Variants in BST1 observed in about 807,000 individuals in gnomAD.
BST1 encodes bone marrow stromal cell antigen 1.
Under a neutral mutation model 40.6 loss-of-function variants are expected in BST1, and 49 were observed. That is an observed-to-expected ratio of 1.21 (90% CI 0.96 to 1.53). The LOEUF (loss-of-function observed/expected upper bound fraction) is 1.53. BST1 is among the 40% of genes most tolerant of loss of function. The pLI is 0.00. For synonymous variants in BST1, 157 were observed against 159.3 expected, an observed-to-expected ratio of 0.99 and a Z score of 0.11; for missense variants, 423 against 395.9, an observed-to-expected ratio of 1.07 and a Z score of -0.58.
the BST1 span, among the ~76,000 whole-genome samples, chr4:15,768,336 A>T: frequency 6.6e-6 from 1 of 152,226 alleles, no homozygotes; most frequent in East Asian, 1.9e-4. Flanking sequence ...TGTTTAGAGC[A>T]TCAGTCGAAA....
chr4:15,743,826 T>C, the BST1 span, among the ~76,000 whole-genome samples: 1 of 152,170 alleles, frequency 6.6e-6, no homozygotes, highest in Admixed American at 6.5e-5. Flanking sequence ...AAAGGGAAGA[T>C]GGGAGCCAGG....
At chr4:15,703,504 A>T (rs1173789398) in intron 1 of BST1, among the ~76,000 whole-genome samples, 172 bp downstream of exon 1, 1 of 135,518 alleles carries the variant, frequency 7.4e-6, no homozygotes, top group Non-Finnish European at 1.6e-5. Context: ...GCGAGTGAGG[A>T]GGGGGCTGTG....
Position 15,731,923 on chromosome 4 carries a change from C to T in BST1, c.*78C>T. 1 of 1,483,258 alleles carries T rather than the reference C, an allele frequency of 6.7e-7. No homozygotes were observed. The allele number at this position is 1,483,258 out of a possible 1,614,324, so 91.9% of individuals were successfully genotyped here. On this transcript the variant is annotated 3_prime_UTR_variant, in exon 9 of 9. Transcript: ENST00000265016. ...GTCATCATTCGTGTTCTGTGTATAC[C>T]AAATGATTCTGTTATCTAAAGAAGC...
chr4:15,766,437 T>G, the BST1 span, among the ~76,000 whole-genome samples: 1 of 151,906 alleles, frequency 6.6e-6, no homozygotes, highest in African/African-American at 2.4e-5. Context: ...CTGTCTTTAC[T>G]CTGATGAAAT....
At chr4:15,753,463 C>G in the BST1 span, among the ~76,000 whole-genome samples, 3 of 152,228 alleles carry the variant, frequency 2.0e-5, no homozygotes, top group Admixed American at 6.5e-5. Flanking sequence ...GAATGGCTCA[C>G]GATCGCGCCA....
Position 15,705,527 on chromosome 4 carries a change from C to A in BST1, c.201C>A (p.Cys67Ter). 1 of 1,590,210 alleles carries A rather than the reference C, an allele frequency of 6.3e-7. No individual in the cohort carries two copies. Among genetic ancestry groups the A allele is most frequent in the Non-Finnish European group, 8.5e-7 (1 of 1,169,692 alleles). The change falls in exon 2 of 9, where the codon TGC (cysteine) becomes TGA (stop). Residue 67 changes from cysteine (C) to a stop codon, truncating the protein, a stop_gained. Transcript: ENST00000265016. LOFTEE classifies it high-confidence loss of function. ...TACTTTTGCACAGGAACAAGAACTG[C>A]ACAGCCATCTGGGAAGCCTTTAAAG... ...LLSPEQRNKN[C>*]TAIWEAFKVA...
downstream of BST1, among the ~76,000 whole-genome samples, chr4:15,742,458 G>A (rs981398423): frequency 6.6e-6 from 1 of 152,170 alleles, no homozygotes; most frequent in Non-Finnish European, 1.5e-5. Flanking sequence ...GAAGCAGCCT[G>A]AGGCCCTCAC....
At chr4:15,750,751 G>T in the BST1 span, among the ~76,000 whole-genome samples, 1 of 152,154 alleles carries the variant, frequency 6.6e-6, no homozygotes, top group African/African-American at 2.4e-5. Flanking sequence ...GATCATGCTT[G>T]TTTTGCATAT....
At chr4:15,773,326 C>T in the BST1 span, among the ~76,000 whole-genome samples, 1 of 152,184 alleles carries the variant, frequency 6.6e-6, no homozygotes, top group East Asian at 1.9e-4. Context: ...ATGCAAAAGA[C>T]CAGAAGAGGA....
downstream of BST1, among the ~76,000 whole-genome samples, chr4:15,739,100 C>T (rs954859154): frequency 1.3e-5 from 2 of 152,206 alleles, no homozygotes; most frequent in African/African-American, 4.8e-5. Context: ...AAGAGAAGGG[C>T]AAATTGAAAG....
rs754010204 is a variant in BST1 at position 15,705,511 on chromosome 4, A to G, written c.189-4A>G. On this transcript the variant is annotated splice_region_variant and splice_polypyrimidine_tract_variant and intron_variant, in intron 1 of 8. Transcript: ENST00000265016. ...TGTTCTTCCCAACTTGTACTTTTGC[A>G]CAGGAACAAGAACTGCACAGCCATC... is the stretch of plus-strand genomic sequence containing the variant. 1.3e-6 allele frequency: 2 copies of G among 1,565,358 alleles called. No homozygotes were observed. Among genetic ancestry groups the G allele is most frequent in the Admixed American group, 2.0e-5 (1 of 51,068 alleles).
the BST1 span, among the ~76,000 whole-genome samples, chr4:15,764,281 T>C: frequency 8.3e-4 from 126 of 152,048 alleles, 2 homozygotes; most frequent in Non-Finnish European, 3.4e-4. Flanking sequence ...TTCAATGAAT[T>C]ATATTTGGGG....
intron 3 of BST1, among the ~76,000 whole-genome samples, chr4:15,710,600 A>G (rs1421701154): frequency 6.6e-6 from 1 of 152,014 alleles, no homozygotes; most frequent in African/African-American, 2.4e-5. Flanking sequence ...TCCCCTCTCC[A>G]GCCTCTGGTA....
the BST1 span, among the ~76,000 whole-genome samples, chr4:15,751,517 G>A: frequency 0.014 from 2,123 of 152,208 alleles, 55 homozygotes; most frequent in African/African-American, 0.048. Context: ...AAGGGAGGGT[G>A]CTGGGAAGAT....
rs1349805972 is a variant in BST1 at position 15,704,119 on chromosome 4, TAGGTGAGGGATGTGTGTGTGGTCTAG to T, written c.188+823_188+848del. Among the ~76,000 whole-genome samples, 113 of 119,282 alleles carry T rather than the reference TAGGTGAGGGATGTGTGTGTGGTCTAG, an allele frequency of 9.5e-4. 1 individual carries two copies. The highest frequency in any genetic ancestry group is 3.4e-3 in the African/African-American group (102 of 30,084). 78.3% of individuals were successfully genotyped at this position (119,282 alleles called of 152,430 possible). A position where few individuals can be genotyped will look rare whatever the true frequency, so the allele number is the denominator to read the frequency against. ...GTGACAGGTGTGTGTGTGTGGTCTA[TAGGTGAGGGATGTGTGTGTGGTCTAG>T]AGGTGAGGGATGTGTGTGTGGTCTA... is the stretch of plus-strand genomic sequence containing the variant. On this transcript the variant is annotated intron_variant, in intron 1 of 8. Coordinates refer to ENST00000265016, the MANE Select transcript of BST1 (RefSeq NM_004334.3).
intron 8 of BST1, chr4:15,730,970 G>T: frequency 9.0e-6 from 4 of 443,154 alleles, no homozygotes; most frequent in Admixed American, 3.3e-5. Context: ...CCTTAATATA[G>T]GCACTGGGGC....
chr4:15,728,456 T>TC (rs1721223206), intron 8 of BST1, among the ~76,000 whole-genome samples: 1 of 148,124 alleles, frequency 6.8e-6, no homozygotes. Flanking sequence ...TTTCTTTTTT[T>TC]TTTTTTTTTT....
downstream of BST1, among the ~76,000 whole-genome samples, chr4:15,735,344 G>T (rs1368914431): frequency 6.6e-6 from 1 of 152,170 alleles, no homozygotes; most frequent in Non-Finnish European, 1.5e-5. Context: ...CATCTTTGCA[G>T]CCCTAGCCTA....
the BST1 span, among the ~76,000 whole-genome samples, chr4:15,755,678 A>T: frequency 1.3e-5 from 2 of 152,314 alleles, no homozygotes; most frequent in African/African-American, 4.8e-5. Flanking sequence ...CTGAGTCCAG[A>T]TGTCACCTTC....
Sources: allele counts gnomAD v4.1 joint callset (sites outside exome capture counted in the v4.1 genomes callset), GRCh38; gene constraint gnomAD v4.1.1; transcripts MANE v1.5; gene names NCBI Gene and HGNC (gene_info 2026-07-23, HGNC 2026-07-21).